Variants in IFT25 observed in about 807,000 individuals in gnomAD.
The protein encoded by IFT25 is intraflagellar transport 25.
chr1:53,935,628 TAC>T, the IFT25 span, among the ~76,000 whole-genome samples: 1 of 148,344 alleles, frequency 6.7e-6, no homozygotes, highest in African/African-American at 2.6e-5. Context: ...AGGCCAGAAC[TAC>T]TTTTTTTTTT....
chr1:53,916,501 T>C, the IFT25 span: 2 of 155,430 alleles, frequency 1.3e-5, no homozygotes, highest in East Asian at 3.7e-4. Context: ...TAGCAATCTG[T>C]AAGCCTCAAC....
the IFT25 span, chr1:53,929,837 G>A: frequency 2.6e-6 from 2 of 775,028 alleles, no homozygotes; most frequent in Non-Finnish European, 1.8e-6. Flanking sequence ...CTGAGCTCAA[G>A]GCATTTACCT....
At chr1:53,935,159 C>T in the IFT25 span, among the ~76,000 whole-genome samples, 1 of 152,126 alleles carries the variant, frequency 6.6e-6, no homozygotes, top group Non-Finnish European at 1.5e-5. Context: ...ACTAAAAATA[C>T]AAAAATTAGA....
chr1:53,939,989 C>T, the IFT25 span: 1 of 1,569,874 alleles, frequency 6.4e-7, no homozygotes, highest in South Asian at 1.1e-5. Flanking sequence ...TCTTACCCAT[C>T]AATGATATTT....
At chr1:53,933,135 C>CCT in the IFT25 span, among the ~76,000 whole-genome samples, 2 of 131,292 alleles carry the variant, frequency 1.5e-5, no homozygotes. Flanking sequence ...TCCTTTTTCT[C>CCT]TTTTTTTTTT....
chr1:53,921,593 T>A, the IFT25 span: 4 of 963,684 alleles, frequency 4.2e-6, no homozygotes, highest in South Asian at 5.4e-5. Flanking sequence ...AGTATATCAG[T>A]GACAACTTCC....
the IFT25 span, among the ~76,000 whole-genome samples, chr1:53,931,648 A>G: frequency 6.6e-6 from 1 of 152,322 alleles, no homozygotes; most frequent in African/African-American, 2.4e-5. Context: ...TGTCAAATGT[A>G]TTAGCTTAAA....
chr1:53,928,679 C>CAATGGAT, the IFT25 span: 1 of 412,536 alleles, frequency 2.4e-6, no homozygotes. Context: ...TAGAGCTTTT[C>CAATGGAT]TGAATTTGGC....
At chr1:53,942,646 T>C in the IFT25 span, among the ~76,000 whole-genome samples, 3 of 152,230 alleles carry the variant, frequency 2.0e-5, no homozygotes, top group African/African-American at 4.8e-5. Flanking sequence ...CAGTGTACTC[T>C]ATCTGCCCCT....
At chr1:53,928,344 C>A in the IFT25 span, 1 of 1,554,510 alleles carries the variant, frequency 6.4e-7, no homozygotes, top group Non-Finnish European at 8.9e-7. Flanking sequence ...CTCCTTCATG[C>A]TCAGAACAAT....
the IFT25 span, among the ~76,000 whole-genome samples, chr1:53,932,534 T>A: frequency 6.6e-6 from 1 of 152,176 alleles, no homozygotes; most frequent in Non-Finnish European, 1.5e-5. Flanking sequence ...TTGAGACTTA[T>A]TTTATGTTTC....
the IFT25 span, among the ~76,000 whole-genome samples, chr1:53,939,441 T>C: frequency 1.3e-5 from 2 of 151,718 alleles, no homozygotes; most frequent in African/African-American, 4.8e-5. Context: ...CTGCTTTTTC[T>C]TGGAATCTGA....
chr1:53,911,729 T>C, the IFT25 span, among the ~76,000 whole-genome samples: 3 of 152,128 alleles, frequency 2.0e-5, no homozygotes, highest in Non-Finnish European at 4.4e-5. Context: ...AAACCGGATC[T>C]CTAACTTCAA....
At chr1:53,912,438 T>A in the IFT25 span, among the ~76,000 whole-genome samples, 1 of 152,136 alleles carries the variant, frequency 6.6e-6, no homozygotes, top group Non-Finnish European at 1.5e-5. Flanking sequence ...GGACCAGACA[T>A]ACACTCCAAT....
chr1:53,921,179 ATTTT>A, the IFT25 span, among the ~76,000 whole-genome samples: 1 of 151,984 alleles, frequency 6.6e-6, no homozygotes, highest in Non-Finnish European at 1.5e-5. Flanking sequence ...GCAAAAAAAT[ATTTT>A]TTTTAATTAA....
At chr1:53,928,495 CTA>C in the IFT25 span, 1 of 1,356,116 alleles carries the variant, frequency 7.4e-7, no homozygotes, top group East Asian at 2.3e-5. Flanking sequence ...GTTTTTGTCC[CTA>C]TATTTCTTTT....
chr1:53,913,442 CTGATTA>C, the IFT25 span, among the ~76,000 whole-genome samples: 4 of 152,156 alleles, frequency 2.6e-5, no homozygotes, highest in African/African-American at 9.7e-5. Context: ...TGGGTCTTTT[CTGATTA>C]TGAGTCTTCA....
the IFT25 span, among the ~76,000 whole-genome samples, chr1:53,926,431 C>T: frequency 2.0e-5 from 3 of 152,280 alleles, no homozygotes; most frequent in Admixed American, 6.5e-5. Context: ...GGATTATGGG[C>T]GTGAGCCTAG....
chr1:53,924,941 T>A, the IFT25 span, among the ~76,000 whole-genome samples: 1 of 152,144 alleles, frequency 6.6e-6, no homozygotes, highest in Non-Finnish European at 1.5e-5. Flanking sequence ...AAAAGAGAAG[T>A]CTCTGTGTTT....
Sources: allele counts gnomAD v4.1 joint callset (sites outside exome capture counted in the v4.1 genomes callset), GRCh38; gene constraint gnomAD v4.1.1; transcripts MANE v1.5; gene names NCBI Gene and HGNC (gene_info 2026-07-23, HGNC 2026-07-21).